The following SPOCK3 variants were observed in gnomAD, a reference collection of about 807,000 sequenced individuals.
The protein encoded by SPOCK3 is testican-3.
In SPOCK3, 30 loss-of-function variants were observed where a neutral mutation model predicts 56.6. The observed-to-expected ratio is 0.53, with a 90% confidence interval of 0.40 to 0.72. SPOCK3 has a LOEUF of 0.72. Among genes scored for constraint, SPOCK3 ranks in the 30% least tolerant of loss-of-function variants. SPOCK3 has a pLI of 0.00. For missense variants in SPOCK3, 527 were observed against 530.0 expected (o/e 0.99, Z 0.06); for synonymous variants, 196 against 183.3 (o/e 1.07, Z -0.56).
chr4:167,220,850 A>G (rs745960245), intron 2 of SPOCK3, among the ~76,000 whole-genome samples: 2 of 152,170 alleles, frequency 1.3e-5, no homozygotes, highest in African/African-American at 2.4e-5. Context: ...ATTTGAAACT[A>G]CTGACATTTG....
chr4:166,965,478 T>A (rs13123889), intron 4 of SPOCK3, among the ~76,000 whole-genome samples: 1 of 151,712 alleles, frequency 6.6e-6, no homozygotes, highest in African/African-American at 2.4e-5. Flanking sequence ...GGTATTTTTT[T>A]TCTTTTGGCA....
At chr4:167,196,459 G>T (rs752323209) in intron 2 of SPOCK3, among the ~76,000 whole-genome samples, 1 of 151,856 alleles carries the variant, frequency 6.6e-6, no homozygotes, top group Non-Finnish European at 1.5e-5. Flanking sequence ...CTTAAATCAG[G>T]GTTTCAAATG....
At chr4:166,952,828 TG>T (rs960170274) in intron 4 of SPOCK3, among the ~76,000 whole-genome samples, 19 of 151,994 alleles carry the variant, frequency 1.3e-4, no homozygotes, top group African/African-American at 4.6e-4. Context: ...AAACAAGCAA[TG>T]GGGAAAGGAT....
intron 2 of SPOCK3, among the ~76,000 whole-genome samples, chr4:167,109,520 T>C (rs964918881): frequency 4.2e-4 from 53 of 126,402 alleles, no homozygotes; most frequent in African/African-American, 1.5e-3. Context: ...ATATAATATT[T>C]ATATATTTTA....
chr4:167,157,168 A>C (rs778209537), intron 2 of SPOCK3, among the ~76,000 whole-genome samples: 23 of 152,106 alleles, frequency 1.5e-4, no homozygotes, highest in Non-Finnish European at 2.9e-4. Flanking sequence ...AAATAGTAGA[A>C]GAAGAAAGCG....
At chr4:166,791,831 TAA>T (rs1349511975) in intron 7 of SPOCK3, among the ~76,000 whole-genome samples, 4 of 152,190 alleles carry the variant, frequency 2.6e-5, no homozygotes, top group Non-Finnish European at 1.5e-5. Flanking sequence ...TTGTATTCTT[TAA>T]AAATCTAAGT....
intron 3 of SPOCK3, among the ~76,000 whole-genome samples, chr4:167,045,024 C>T (rs899011790): frequency 2.0e-5 from 3 of 152,082 alleles, no homozygotes; most frequent in Non-Finnish European, 4.4e-5. Flanking sequence ...GTCTCCAGTA[C>T]AATAGTGAAT....
intron 2 of SPOCK3, among the ~76,000 whole-genome samples, chr4:167,152,030 C>A (rs1764468502): frequency 6.6e-6 from 1 of 152,094 alleles, no homozygotes; most frequent in Admixed American, 6.5e-5. Context: ...GGAATTTTTA[C>A]TTAAAATTTA....
At chr4:166,868,570 C>T (rs982015439) in intron 6 of SPOCK3, among the ~76,000 whole-genome samples, 3 of 152,090 alleles carry the variant, frequency 2.0e-5, no homozygotes, top group African/African-American at 7.2e-5. Flanking sequence ...TCCAGGTAAT[C>T]TCAGGAGGAT....
intron 2 of SPOCK3, among the ~76,000 whole-genome samples, chr4:167,195,647 G>A (rs1732871816): frequency 6.6e-6 from 1 of 152,180 alleles, no homozygotes; most frequent in Non-Finnish European, 1.5e-5. Context: ...TACCCAAAGT[G>A]TGGGTGTGTA....
At chr4:166,868,263 T>C (rs1412713131) in intron 6 of SPOCK3, among the ~76,000 whole-genome samples, 1 of 143,288 alleles carries the variant, frequency 7.0e-6, no homozygotes, top group Non-Finnish European at 1.5e-5. Flanking sequence ...CTGTGCAACA[T>C]AGCAAGACCT....
intron 2 of SPOCK3, among the ~76,000 whole-genome samples, chr4:167,116,380 T>C (rs1761325873): frequency 6.7e-6 from 1 of 148,768 alleles, no homozygotes; most frequent in Admixed American, 6.8e-5. Context: ...ACAAAAGTTA[T>C]ATATATACTT....
At chr4:166,933,293 G>T (rs1739996735) in intron 4 of SPOCK3, among the ~76,000 whole-genome samples, 1 of 152,012 alleles carries the variant, frequency 6.6e-6, no homozygotes, top group African/African-American at 2.4e-5. Context: ...ACTTTTAACG[G>T]CTTCCTTTTG....
At chr4:167,091,370 C>T (rs949341344) in intron 2 of SPOCK3, among the ~76,000 whole-genome samples, 1 of 152,108 alleles carries the variant, frequency 6.6e-6, no homozygotes, top group Non-Finnish European at 1.5e-5. Flanking sequence ...TTTTGAAGAT[C>T]AGCATGGAAT....
intron 2 of SPOCK3, among the ~76,000 whole-genome samples, chr4:167,121,038 T>C (rs1345056133): frequency 6.6e-6 from 1 of 151,876 alleles, no homozygotes; most frequent in African/African-American, 2.4e-5. Flanking sequence ...TGATAGTTAT[T>C]CTGCAGACCC....
intron 7 of SPOCK3, among the ~76,000 whole-genome samples, chr4:166,786,428 C>T (rs1275077681): frequency 6.6e-6 from 1 of 151,982 alleles, no homozygotes; most frequent in Non-Finnish European, 1.5e-5. Flanking sequence ...CTGCACTCAG[C>T]GTAAGGATCA....
intron 2 of SPOCK3, among the ~76,000 whole-genome samples, chr4:167,086,496 C>T (rs1172834660): frequency 2.0e-5 from 3 of 152,014 alleles, no homozygotes; most frequent in Admixed American, 1.3e-4. Flanking sequence ...TGAGTCTGAA[C>T]ATGGTTCTGG....
At chr4:167,135,979 G>A (rs1763088225) in intron 2 of SPOCK3, among the ~76,000 whole-genome samples, 1 of 152,050 alleles carries the variant, frequency 6.6e-6, no homozygotes, top group African/African-American at 2.4e-5. Context: ...GCAACAAACA[G>A]TGAAGGGATA....
intron 9 of SPOCK3, among the ~76,000 whole-genome samples, 185 bp downstream of exon 9, chr4:166,741,812 C>T (rs13146675): frequency 0.27 from 40,720 of 152,002 alleles, 6,658 homozygotes; most frequent in Admixed American, 0.39. Context: ...ATAAAACAGA[C>T]ATAATATCTT....
Sources: gnomAD v4.1 joint callset for allele counts (sites outside exome capture counted in the v4.1 genomes callset) on GRCh38, gnomAD v4.1.1 for gene constraint, MANE v1.5 for transcripts, NCBI Gene and HGNC (gene_info 2026-07-23, HGNC 2026-07-21) for gene names.